Variants in STAT4 observed in about 807,000 individuals in gnomAD.
The protein encoded by STAT4 is signal transducer and activator of transcription 4.
A neutral mutation model predicts 110.5 loss-of-function variants in STAT4; 42 were observed. The ratio of observed to expected loss-of-function variants is 0.38; its 90% CI spans 0.30 to 0.49. STAT4 has a LOEUF of 0.49. Among genes scored for constraint, STAT4 ranks in the 20% least tolerant of loss-of-function variants. The pLI is 0.95. For missense variants in STAT4, 632 were observed against 887.9 expected (o/e 0.71, Z 3.66); for synonymous variants, 284 against 302.2 (o/e 0.94, Z 0.63).
chr2:191,089,696 C>CTAGACGA (rs1456774786), intron 3 of STAT4, among the ~76,000 whole-genome samples: 2 of 152,120 alleles, frequency 1.3e-5, no homozygotes, highest in African/African-American at 4.8e-5. Flanking sequence ...TGCAGTCCAT[C>CTAGACGA]TAGACGATAG....
At chr2:191,038,852 T>C (rs1161660629) in intron 16 of STAT4, among the ~76,000 whole-genome samples, 2 of 152,152 alleles carry the variant, frequency 1.3e-5, no homozygotes, top group East Asian at 3.8e-4. Context: ...ATGGACAAGG[T>C]GGGACCAGAG....
At chr2:191,108,932 T>A (rs543717875) in intron 3 of STAT4, among the ~76,000 whole-genome samples, 11 of 152,374 alleles carry the variant, frequency 7.2e-5, no homozygotes, top group African/African-American at 2.4e-4. Flanking sequence ...TAAAACTGTT[T>A]GTGTGACAAA....
At position 191,066,606 on chromosome 2, in the gene STAT4, G is replaced by A. The variant is rs183907165; in HGVS notation, c.545-91C>T. ...CACCATCCTAAAACAGCCCTGGCCC[G>A]GAGAACTTATGTGGTAAGAGACTAA... On this transcript the variant is annotated intron_variant, in intron 6 of 23. Transcript: ENST00000392320. This position sits in a 1 kb window ranked among gnomAD's most constrained non-coding sequence, Gnocchi z 4.3. 1.5e-4 allele frequency: 173 copies of A among 1,186,350 alleles called. 2 individuals carry two copies. The African/African-American group carries it at 2.2e-3, about 15-fold the overall frequency. The allele number at this position is 1,186,350 out of a possible 1,614,324, so 73.5% of individuals were successfully genotyped here.
At chr2:191,096,774 A>G (rs931895686) in intron 3 of STAT4, among the ~76,000 whole-genome samples, 2 of 152,210 alleles carry the variant, frequency 1.3e-5, no homozygotes, top group Non-Finnish European at 2.9e-5. Context: ...GGCCAGGGCA[A>G]TCAGGCAAGA....
chr2:191,057,943 A>G lies in STAT4; in HGVS notation c.1206+75T>C, dbSNP rs1267355011. 3.2e-6 allele frequency: 4 copies of G among 1,238,980 alleles called. No homozygotes were observed. In the East Asian group the frequency reaches 9.4e-5, roughly 29 times the overall value. The allele number at this position is 1,238,980 out of a possible 1,614,324, so 76.7% of individuals were successfully genotyped here. On this transcript the variant is annotated intron_variant, in intron 13 of 23. Coordinates refer to ENST00000392320, the MANE Select transcript of STAT4 (RefSeq NM_003151.4). The stretch of plus-strand genomic sequence containing the variant: ...AAATATTTAAGCACAAAACATACTG[A>G]ATTATAAGGCGTATTAGTAAAGATG...
At position 191,061,676 on chromosome 2, in the gene STAT4, C is replaced by G; in HGVS notation, c.1034+53G>C. The G allele has an allele frequency of 6.5e-7, 1 of 1,541,916 alleles. No homozygotes were observed. Among genetic ancestry groups the G allele is most frequent in the Non-Finnish European group, 9.0e-7 (1 of 1,114,796 alleles). ...ATGAGAGAAATTGGCCTTGATCATC[C>G]AGAGACTATAGCTCCACAAACACAC... On this transcript the variant is annotated intron_variant, in intron 10 of 23. Coordinates refer to ENST00000392320, the MANE Select transcript of STAT4 (RefSeq NM_003151.4). The surrounding 1 kb of genome is among the most constrained non-coding windows in gnomAD (Gnocchi z 6.2).
chr2:191,058,264 C>G lies in STAT4; in HGVS notation c.1095-45G>C, dbSNP rs1300585963. ...CTTTAAAACAAGCTATTTAATAGAT[C>G]TAGGAATAACTTTCTATGATAGTTT... is the stretch of plus-strand genomic sequence containing the variant. On this transcript the variant is annotated intron_variant, in intron 11 of 23. Transcript: ENST00000392320. The surrounding 1 kb of genome is among the most constrained non-coding windows in gnomAD (Gnocchi z 4.3). 1 of 1,507,886 alleles carries G rather than the reference C, an allele frequency of 6.6e-7. No homozygotes were observed. The highest frequency in any genetic ancestry group is 1.4e-5 in the African/African-American group (1 of 70,956). 93.4% of individuals were successfully genotyped at this position (1,507,886 alleles called of 1,614,324 possible).
Position 191,138,775 on chromosome 2 carries a change from A to G in STAT4, c.273+7838T>C, listed in dbSNP as rs1284378260. On this transcript the variant is annotated intron_variant, in intron 3 of 23. Transcript: ENST00000392320. The surrounding 1 kb of genome is among the most constrained non-coding windows in gnomAD (Gnocchi z 4.3). The stretch of plus-strand genomic sequence containing the variant: ...CATTCCATGAAGCCAGTATCACCCT[A>G]ATACCAAAACCAGGAAAGGGCATAA... 6.6e-6 allele frequency among the ~76,000 whole-genome samples: 1 copy of G among 152,148 alleles called. No homozygotes were observed. The highest frequency in any genetic ancestry group is 6.5e-5 in the Admixed American group (1 of 15,270).
intron 5 of STAT4, among the ~76,000 whole-genome samples, chr2:191,072,350 C>A (rs762047688): frequency 6.6e-6 from 1 of 152,008 alleles, no homozygotes; most frequent in Admixed American, 6.6e-5. Flanking sequence ...TTATAATGTG[C>A]CAAGGTATTT....
intron 4 of STAT4, chr2:191,075,994 C>A (rs988519164): frequency 4.0e-5 from 18 of 453,686 alleles, no homozygotes; most frequent in African/African-American, 3.3e-4. Flanking sequence ...GGACTATAGG[C>A]ATGTGCCACC....
intron 3 of STAT4, among the ~76,000 whole-genome samples, chr2:191,114,792 T>C (rs139130814): frequency 3.8e-4 from 58 of 152,260 alleles, no homozygotes; most frequent in Admixed American, 1.2e-3. Context: ...GAGACAGCAA[T>C]TACAAACGTT....
chr2:191,097,033 G>A (rs940505344), intron 3 of STAT4, among the ~76,000 whole-genome samples: 4 of 152,086 alleles, frequency 2.6e-5, no homozygotes, highest in African/African-American at 9.7e-5. Flanking sequence ...GCTACAAAGA[G>A]AATAAAATAT....
chr2:191,089,059 C>T (rs1456900205), intron 3 of STAT4, among the ~76,000 whole-genome samples: 2 of 151,900 alleles, frequency 1.3e-5, no homozygotes, highest in African/African-American at 2.4e-5. Context: ...ACACTAAAGG[C>T]AAAATTCATG....
chr2:191,097,751 A>G (rs1314181259), intron 3 of STAT4, among the ~76,000 whole-genome samples: 1 of 152,236 alleles, frequency 6.6e-6, no homozygotes, highest in African/African-American at 2.4e-5. Context: ...AATGGCAACA[A>G]AAGCCAAAAT....
intron 13 of STAT4, among the ~76,000 whole-genome samples, chr2:191,057,110 T>C (rs1389121917): frequency 6.6e-6 from 1 of 152,208 alleles, no homozygotes; most frequent in Non-Finnish European, 1.5e-5. Flanking sequence ...TATCAGAATT[T>C]ATTCCTTTTA....
Position 191,039,049 on chromosome 2 carries a change from T to C in STAT4, c.1434+150A>G. On this transcript the variant is annotated intron_variant, in intron 16 of 23. Transcript: ENST00000392320. The surrounding 1 kb of genome is among the most constrained non-coding windows in gnomAD (Gnocchi z 4.7). The stretch of plus-strand genomic sequence containing the variant: ...AGAACATACTACTTTAAATATGACA[T>C]GAGAGGAAACATACAACTAGAAATA... 1.5e-6 allele frequency: 1 copy of C among 670,968 alleles called. No individual in the cohort carries two copies. Among genetic ancestry groups the C allele is most frequent in the East Asian group, 2.7e-5 (1 of 36,554 alleles). 41.6% of individuals were successfully genotyped at this position (670,968 alleles called of 1,614,324 possible).
rs771223160 is a variant in STAT4 at position 191,148,242 on chromosome 2, T to C, written c.-1-38A>G. 1.9e-6 allele frequency: 3 copies of C among 1,606,670 alleles called. No homozygotes were observed. The African/African-American group carries it at 4.0e-5, about 22-fold the overall frequency. On this transcript the variant is annotated intron_variant, in intron 1 of 23. Coordinates refer to ENST00000392320, the MANE Select transcript of STAT4 (RefSeq NM_003151.4). ...GTGTAGAATTAGAGTTTTAAAATATTGTTCATAGCCCTAGTACATATTTTC... is the reference window on the plus strand; with the variant it reads ...GTGTAGAATTAGAGTTTTAAAATATCGTTCATAGCCCTAGTACATATTTTC...
At chr2:191,049,393 G>T (rs1019218680) in intron 14 of STAT4, among the ~76,000 whole-genome samples, 1 of 151,924 alleles carries the variant, frequency 6.6e-6, no homozygotes, top group Non-Finnish European at 1.5e-5. Flanking sequence ...AGCCAGGATG[G>T]TCTCACTCTC....
At chr2:191,114,720 G>T (rs1398009709) in intron 3 of STAT4, among the ~76,000 whole-genome samples, 1 of 152,148 alleles carries the variant, frequency 6.6e-6, no homozygotes, top group Non-Finnish European at 1.5e-5. Context: ...TTGCCATAGG[G>T]CTACTGCTGT....
Sources: gnomAD v4.1 joint callset for allele counts (sites outside exome capture counted in the v4.1 genomes callset) on GRCh38, gnomAD v4.1.1 for gene constraint, Gnocchi (gnomAD v3.1) non-coding constraint, MANE v1.5 for transcripts, NCBI Gene and HGNC (gene_info 2026-07-23, HGNC 2026-07-21) for gene names.